Variants in CTNNA3 observed in about 807,000 individuals in gnomAD.
The protein encoded by CTNNA3 is catenin alpha-3.
In CTNNA3, 76 loss-of-function variants were observed where a neutral mutation model predicts 95.7. The observed-to-expected ratio is 0.79, with a 90% CI of 0.66 to 0.96. The LOEUF (loss-of-function observed/expected upper bound fraction) is 0.96, where lower values mean the gene tolerates loss of function less well. Ranked by LOEUF, CTNNA3 falls within the 40% of genes least tolerant of loss-of-function variation. The pLI, the probability that CTNNA3 is intolerant of heterozygous loss-of-function variation, is 0.00. For missense variants in CTNNA3, 1,191 were observed against 1,089.8 expected, an observed-to-expected ratio of 1.09 and a Z score of -1.31; for synonymous variants, 431 against 374.4, an observed-to-expected ratio of 1.15 and a Z score of -1.74.
At chr10:67,345,460 T>C (rs1232921048) in intron 5 of CTNNA3, among the ~76,000 whole-genome samples, 3 of 152,038 alleles carry the variant, frequency 2.0e-5, no homozygotes, top group Admixed American at 1.3e-4. Flanking sequence ...ATTAGGGGCC[T>C]CTCTCTTTAG....
chr10:67,709,943 GTTTTCT>G (rs1268403434), intron 1 of CTNNA3, among the ~76,000 whole-genome samples: 1 of 152,132 alleles, frequency 6.6e-6, no homozygotes, highest in African/African-American at 2.4e-5. Flanking sequence ...CTTGTTAATA[GTTTTCT>G]TTTTAACAGG....
intron 13 of CTNNA3, among the ~76,000 whole-genome samples, chr10:66,252,494 T>C (rs943155990): frequency 1.3e-5 from 2 of 152,214 alleles, no homozygotes; most frequent in Admixed American, 6.5e-5. Flanking sequence ...AAAAGAGATT[T>C]AAAGTCATGG....
chr10:67,019,200 T>C (rs1852837613), intron 7 of CTNNA3, among the ~76,000 whole-genome samples: 1 of 152,196 alleles, frequency 6.6e-6, no homozygotes, highest in African/African-American at 2.4e-5. Flanking sequence ...CTTGCCACTT[T>C]TCTTTTTTTA....
intron 10 of CTNNA3, among the ~76,000 whole-genome samples, chr10:66,536,813 C>T (rs1841675371): frequency 1.3e-5 from 2 of 152,006 alleles, no homozygotes; most frequent in Admixed American, 1.3e-4. Context: ...CTTCATTGAG[C>T]GTTGCACTAA....
intron 13 of CTNNA3, among the ~76,000 whole-genome samples, chr10:66,154,514 G>A (rs1344311077): frequency 6.6e-6 from 1 of 151,222 alleles, no homozygotes; most frequent in Non-Finnish European, 1.5e-5. Context: ...ATTTTCAAGG[G>A]TGGATTTTTA....
chr10:66,509,083 T>C (rs1840566742), intron 11 of CTNNA3, among the ~76,000 whole-genome samples: 1 of 152,180 alleles, frequency 6.6e-6, no homozygotes, highest in African/African-American at 2.4e-5. Flanking sequence ...ATAGGAATTC[T>C]GACTTGTGTG....
chr10:67,583,695 C>T (rs551640262), intron 3 of CTNNA3, among the ~76,000 whole-genome samples: 3 of 152,344 alleles, frequency 2.0e-5, no homozygotes, highest in South Asian at 2.1e-4. Flanking sequence ...TTCAGGTACA[C>T]CAATCAGACG....
intron 12 of CTNNA3, among the ~76,000 whole-genome samples, chr10:66,299,641 T>C (rs963645232): frequency 2.0e-5 from 3 of 152,028 alleles, no homozygotes; most frequent in Non-Finnish European, 2.9e-5. Context: ...ATCTATACTA[T>C]CCATTCAGAG....
intron 1 of CTNNA3, among the ~76,000 whole-genome samples, chr10:67,731,577 C>T (rs1057069129): frequency 2.0e-5 from 3 of 151,662 alleles, no homozygotes; most frequent in Non-Finnish European, 4.4e-5. Context: ...CCGAGGCAGG[C>T]GGATCATGAG....
At chr10:67,159,378 G>A (rs182274709) in intron 7 of CTNNA3, among the ~76,000 whole-genome samples, 8 of 152,204 alleles carry the variant, frequency 5.3e-5, no homozygotes, top group South Asian at 2.1e-4. Context: ...TTTTGTCTGC[G>A]GCTCGTCCTG....
chr10:67,398,482 T>C (rs1380905229), intron 5 of CTNNA3, among the ~76,000 whole-genome samples: 1 of 152,214 alleles, frequency 6.6e-6, no homozygotes, highest in Non-Finnish European at 1.5e-5. Context: ...TTTTATAGGC[T>C]CATAGGTGGA....
intron 14 of CTNNA3, among the ~76,000 whole-genome samples, chr10:66,087,927 T>A (rs1419144191): frequency 6.6e-6 from 1 of 152,060 alleles, no homozygotes; most frequent in Non-Finnish European, 1.5e-5. Context: ...AGAACAAAAA[T>A]TTCGTCTTAC....
chr10:66,913,505 C>T (rs1418530481), intron 7 of CTNNA3, among the ~76,000 whole-genome samples: 2 of 152,032 alleles, frequency 1.3e-5, no homozygotes, highest in African/African-American at 2.4e-5. Context: ...TGATCGCATG[C>T]TTTTATTGTC....
intron 9 of CTNNA3, among the ~76,000 whole-genome samples, chr10:66,658,251 C>CCT (rs199548181): frequency 0.24 from 36,108 of 150,070 alleles, 5,447 homozygotes; most frequent in East Asian, 0.52. Context: ...TCTCCCCCTC[C>CCT]CTCTCTCTCT....
At chr10:66,245,428 C>T (rs2090278194) in intron 13 of CTNNA3, among the ~76,000 whole-genome samples, 1 of 152,200 alleles carries the variant, frequency 6.6e-6, no homozygotes, top group Non-Finnish European at 1.5e-5. Context: ...CATGTTTCAG[C>T]CCTGTTTGTG....
intron 7 of CTNNA3, among the ~76,000 whole-genome samples, chr10:66,962,843 A>G (rs1849194917): frequency 6.6e-6 from 1 of 152,108 alleles, no homozygotes; most frequent in Non-Finnish European, 1.5e-5. Flanking sequence ...ATAATATAGT[A>G]CTTATTTTAT....
intron 16 of CTNNA3, among the ~76,000 whole-genome samples, chr10:65,986,799 G>C (rs1163017177): frequency 6.6e-6 from 1 of 151,274 alleles, no homozygotes; most frequent in African/African-American, 2.4e-5. Context: ...ACACGACCTG[G>C]CTTCAAAATA....
At chr10:66,447,704 A>T (rs2093432843) in intron 11 of CTNNA3, among the ~76,000 whole-genome samples, 1 of 152,168 alleles carries the variant, frequency 6.6e-6, no homozygotes, top group Admixed American at 6.5e-5. Context: ...AACATGTTAG[A>T]CCTAAAACCA....
At chr10:66,607,301 C>T (rs146257565) in intron 10 of CTNNA3, among the ~76,000 whole-genome samples, 344 of 151,640 alleles carry the variant, frequency 2.3e-3, no homozygotes, top group African/African-American at 7.9e-3. Flanking sequence ...GCCCACCAAT[C>T]GAAGAAAATG....
Sources: gnomAD v4.1 joint callset for allele counts (sites outside exome capture counted in the v4.1 genomes callset) on GRCh38, gnomAD v4.1.1 for gene constraint, MANE v1.5 for transcripts, NCBI Gene and HGNC (gene_info 2026-07-23, HGNC 2026-07-21) for gene names.